The following FOXK2 variants were observed in gnomAD, a reference collection of about 807,000 sequenced individuals.
FOXK2 encodes forkhead box K2, also known as forkhead box protein K2.
Under a neutral mutation model 53.3 loss-of-function variants are expected in FOXK2, and 24 were observed. The ratio of observed to expected loss-of-function variants is 0.45; its 90% CI spans 0.33 to 0.63. FOXK2 has a LOEUF of 0.63. FOXK2 is among the 30% of genes least tolerant of loss of function. FOXK2 has a pLI of 0.03. For missense variants in FOXK2, 952 were observed against 910.5 expected (o/e 1.05, Z -0.59); for synonymous variants, 505 against 407.1 (o/e 1.24, Z -2.89).
Position 82,586,152 on chromosome 17 carries a change from C to G in FOXK2, c.1528C>G (p.Pro510Ala). The change falls in exon 7 of 9, where the codon CCT (proline) becomes GCT (alanine). Residue 510 changes from proline to alanine, a missense_variant. Pro to Ala is a conservative substitution (Grantham distance 27). This residue lies in a region of FOXK2 where 551 missense variants were observed against 385.1 expected (regional missense o/e 1.43). Coordinates refer to ENST00000335255, the MANE Select transcript of FOXK2 (RefSeq NM_004514.4). Reference protein sequence around the residue: ...AVVTPAAVLAPPKAEAQENGD... With the variant: ...AVVTPAAVLAAPKAEAQENGD... ...GGTCACCCCGGCAGCCGTGCTGGCCCCTCCTAAGGCAGAGGCCCAGGAGAA... is the reference window on the plus strand; with the variant it reads ...GGTCACCCCGGCAGCCGTGCTGGCCGCTCCTAAGGCAGAGGCCCAGGAGAA... 1 of 1,612,100 alleles carries G rather than the reference C, an allele frequency of 6.2e-7. No individual in the cohort carries two copies. Among genetic ancestry groups the G allele is most frequent in the Admixed American group, 1.7e-5 (1 of 59,902 alleles).
chr17:82,552,203 T>G (rs2044683959), intron 1 of FOXK2, among the ~76,000 whole-genome samples: 1 of 152,246 alleles, frequency 6.6e-6, no homozygotes, highest in South Asian at 2.1e-4. Flanking sequence ...TTTTTCTTTT[T>G]CTTTTGAAAT....
intron 8 of FOXK2, 140 bp from the exon 9 acceptor site, chr17:82,601,163 G>A (rs1598244846): frequency 1.1e-6 from 1 of 913,032 alleles, no homozygotes. Flanking sequence ...GGGCCTGGGA[G>A]TGGCAGGACC....
intron 1 of FOXK2, among the ~76,000 whole-genome samples, chr17:82,540,123 A>G (rs1309881108): frequency 2.0e-5 from 3 of 152,164 alleles, no homozygotes; most frequent in Non-Finnish European, 4.4e-5. Context: ...TCTACTAAAA[A>G]TACAAAAATT....
Position 82,586,045 on chromosome 17 carries a change from T to C in FOXK2, c.1421T>C (p.Val474Ala), listed in dbSNP as rs749636446. The change falls in exon 7 of 9, where the codon GTC becomes GCC. Residue 474 changes from valine (V) to alanine (A), a missense_variant. Val to Ala is a moderately conservative substitution (Grantham distance 64). Around this residue, in one of 5 missense-constraint regions of FOXK2, gnomAD observed 551 missense variants for 385.1 expected, o/e 1.43. Transcript: ENST00000335255. The stretch of plus-strand genomic sequence containing the variant: ...CCCGTCGTGCAGACGGTTCACGTCG[T>C]CCACCAGATCCCAGCGGTGTCGGTC... ...QPPVVQTVHV[V>A]HQIPAVSVTS... The C allele has an allele frequency of 6.2e-7, 1 of 1,612,772 alleles. No homozygotes were observed.
At chr17:82,521,762 C>A (rs1478789336) in intron 1 of FOXK2, among the ~76,000 whole-genome samples, 1 of 129,596 alleles carries the variant, frequency 7.7e-6, no homozygotes, top group African/African-American at 2.9e-5. Flanking sequence ...AAACCCGTCT[C>A]TACTAAAAAT....
At chr17:82,595,760 C>G in intron 8 of FOXK2, 1 of 1,288,844 alleles carries the variant, frequency 7.8e-7, no homozygotes, top group Non-Finnish European at 1.0e-6. Context: ...GACTTGGGGT[C>G]CTTTCCCACT....
intron 4 of FOXK2, among the ~76,000 whole-genome samples, chr17:82,576,405 A>G (rs1419557988): frequency 6.6e-6 from 1 of 152,240 alleles, no homozygotes; most frequent in East Asian, 1.9e-4. Context: ...GAGGAATACT[A>G]CGGTTAATGA....
At chr17:82,579,535 C>G in intron 4 of FOXK2, among the ~76,000 whole-genome samples, 1 of 137,440 alleles carries the variant, frequency 7.3e-6, no homozygotes, top group Non-Finnish European at 1.6e-5. Flanking sequence ...CTCTCCATGT[C>G]ACCCATGAAG....
chr17:82,554,122 G>A (rs187163077), intron 1 of FOXK2, among the ~76,000 whole-genome samples: 21 of 152,304 alleles, frequency 1.4e-4, no homozygotes, highest in Admixed American at 3.9e-4. Context: ...GTGAGCCACC[G>A]GACGTGGCCT....
intron 2 of FOXK2, among the ~76,000 whole-genome samples, chr17:82,565,902 A>G (rs2044846904): frequency 6.6e-6 from 1 of 152,244 alleles, no homozygotes; most frequent in African/African-American, 2.4e-5. Flanking sequence ...AGAAGATACA[A>G]TGGAATATTA....
At chr17:82,547,833 G>A (rs555686030) in intron 1 of FOXK2, among the ~76,000 whole-genome samples, 4 of 152,222 alleles carry the variant, frequency 2.6e-5, no homozygotes, top group East Asian at 3.9e-4. Flanking sequence ...CTCCCCTCCC[G>A]TAGAAGTGTT....
At chr17:82,556,675 C>T (rs1162453100) in intron 1 of FOXK2, among the ~76,000 whole-genome samples, 2 of 152,056 alleles carry the variant, frequency 1.3e-5, no homozygotes, top group Non-Finnish European at 2.9e-5. Flanking sequence ...TGGCCAGCAG[C>T]ACCTTCCTGC....
chr17:82,590,273 T>G (rs955117316), intron 8 of FOXK2, among the ~76,000 whole-genome samples: 42 of 152,268 alleles, frequency 2.8e-4, no homozygotes, highest in African/African-American at 9.1e-4. Context: ...GCTGAACACC[T>G]AGGATGAGAA....
intron 1 of FOXK2, among the ~76,000 whole-genome samples, chr17:82,547,557 A>G (rs909117106): frequency 6.6e-6 from 1 of 152,140 alleles, no homozygotes; most frequent in African/African-American, 2.4e-5. Flanking sequence ...TCTGTTTTAC[A>G]GTGTGCAATA....
At chr17:82,560,153 G>A (rs1312102161) in intron 1 of FOXK2, among the ~76,000 whole-genome samples, 1 of 151,864 alleles carries the variant, frequency 6.6e-6, no homozygotes, top group African/African-American at 2.4e-5. Context: ...TTACACGTGT[G>A]TGCCACCATG....
chr17:82,531,659 T>G (rs2044472962), intron 1 of FOXK2, among the ~76,000 whole-genome samples: 1 of 152,116 alleles, frequency 6.6e-6, no homozygotes, highest in African/African-American at 2.4e-5. Flanking sequence ...CTAAACATAT[T>G]AAAACATAGA....
chr17:82,601,443 G>T lies in FOXK2; in HGVS notation c.1927G>T (p.Ala643Ser). The T allele has an allele frequency of 1.2e-6, 2 of 1,612,592 alleles. No homozygotes were observed. The highest frequency in any genetic ancestry group is 1.3e-5 in the African/African-American group (1 of 75,064). ...AGAAGACGGCGAGGGCATCGTCATT[G>T]CCCTGAGCGTGGACACGCCACCGGC... ...KTEDGEGIVI[A>S]LSVDTPPAAV... The change falls in exon 9 of 9, where the codon GCC becomes TCC. Residue 643 changes from alanine (A) to serine (S), a missense_variant. This residue lies in a region of FOXK2 where 551 missense variants were observed against 385.1 expected (regional missense o/e 1.43). Transcript: ENST00000335255.
intron 4 of FOXK2, 38 bp downstream of exon 4, chr17:82,571,908 G>A (rs1023746529): frequency 1.3e-6 from 2 of 1,494,254 alleles, no homozygotes; most frequent in Admixed American, 2.5e-5. Flanking sequence ...AGAGGCTGAT[G>A]GATACCGAGA....
chr17:82,596,537 C>T (rs1337439593), intron 8 of FOXK2, among the ~76,000 whole-genome samples: 1 of 152,266 alleles, frequency 6.6e-6, no homozygotes. Flanking sequence ...TGTTTCCAGA[C>T]GCACTTTCTG....
Sources: allele counts gnomAD v4.1 joint callset (sites outside exome capture counted in the v4.1 genomes callset), GRCh38; gene constraint gnomAD v4.1.1; regional missense constraint gnomAD v4.1.1; transcripts MANE v1.5; gene names NCBI Gene and HGNC (gene_info 2026-07-23, HGNC 2026-07-21).